The following KCNJ3 variants were observed in gnomAD, a reference collection of about 807,000 sequenced individuals.
The protein encoded by KCNJ3 is G protein-activated inward rectifier potassium channel 1.
A neutral mutation model predicts 39.2 loss-of-function variants in KCNJ3; 4 were observed. The ratio of observed to expected loss-of-function variants is 0.10; its 90% confidence interval spans 0.05 to 0.23. KCNJ3 has a LOEUF of 0.23. Among genes scored for constraint, KCNJ3 ranks in the 10% least tolerant of loss-of-function variants. KCNJ3 has a pLI of 1.00. For synonymous variants in KCNJ3, 230 were observed against 237.4 expected, an observed-to-expected ratio of 0.97 and a Z score of 0.29; for missense variants, 276 against 634.9, an observed-to-expected ratio of 0.43 and a Z score of 6.08.
chr2:154,841,219 T>C (rs1687570030), intron 2 of KCNJ3, among the ~76,000 whole-genome samples: 1 of 152,204 alleles, frequency 6.6e-6, no homozygotes, highest in South Asian at 2.1e-4. Context: ...TGGTTCTGTT[T>C]ATGTGATGGA....
At chr2:154,764,853 T>G (rs2105191436) in intron 2 of KCNJ3, among the ~76,000 whole-genome samples, 1 of 152,278 alleles carries the variant, frequency 6.6e-6, no homozygotes, top group Non-Finnish European at 1.5e-5. Context: ...ACTAGCCCTC[T>G]CTTGGATCCT....
intron 2 of KCNJ3, among the ~76,000 whole-genome samples, chr2:154,846,904 A>ATTTT (rs1558890282): frequency 6.6e-6 from 1 of 151,748 alleles, no homozygotes; most frequent in Non-Finnish European, 1.5e-5. Context: ...TTCTTTTTTT[A>ATTTT]TTTTTAGTTT....
intron 2 of KCNJ3, among the ~76,000 whole-genome samples, chr2:154,817,295 T>C (rs929366970): frequency 6.6e-6 from 1 of 152,188 alleles, no homozygotes; most frequent in Non-Finnish European, 1.5e-5. Flanking sequence ...ATTTCAATAA[T>C]TCTACATTAG....
intron 2 of KCNJ3, among the ~76,000 whole-genome samples, chr2:154,838,562 G>C (rs980194382): frequency 1.3e-5 from 2 of 152,156 alleles, no homozygotes; most frequent in African/African-American, 4.8e-5. Context: ...CTGTGTGTGT[G>C]GTTATTGTTG....
At chr2:154,844,623 G>T (rs1038583742) in intron 2 of KCNJ3, among the ~76,000 whole-genome samples, 1 of 152,162 alleles carries the variant, frequency 6.6e-6, no homozygotes, top group Non-Finnish European at 1.5e-5. Flanking sequence ...CTTCCCGGTC[G>T]CTTTGTTTAT....
At chr2:154,759,020 T>G (rs781217779) in intron 2 of KCNJ3, among the ~76,000 whole-genome samples, 21 of 152,126 alleles carry the variant, frequency 1.4e-4, no homozygotes, top group Non-Finnish European at 7.4e-5. Context: ...GAAAAACAAG[T>G]TTCATAAGCA....
intron 1 of KCNJ3, among the ~76,000 whole-genome samples, chr2:154,704,905 G>A (rs1203583575): frequency 6.6e-6 from 1 of 152,128 alleles, no homozygotes; most frequent in Non-Finnish European, 1.5e-5. Flanking sequence ...CACGTGTAAA[G>A]AGGATAAGTG....
chr2:154,710,325 C>T (rs557161873), intron 2 of KCNJ3, among the ~76,000 whole-genome samples: 1 of 151,988 alleles, frequency 6.6e-6, no homozygotes, highest in Admixed American at 6.6e-5. Flanking sequence ...ATTTTAATAT[C>T]GAAGTGGGTC....
chr2:154,799,603 A>C (rs1686776696), intron 2 of KCNJ3, among the ~76,000 whole-genome samples: 1 of 152,106 alleles, frequency 6.6e-6, no homozygotes, highest in African/African-American at 2.4e-5. Context: ...CCAAAGCCTC[A>C]ATCTATAGCC....
At chr2:154,757,933 T>C (rs898614908) in intron 2 of KCNJ3, among the ~76,000 whole-genome samples, 4 of 152,116 alleles carry the variant, frequency 2.6e-5, no homozygotes, top group Admixed American at 6.6e-5. Flanking sequence ...TACAATCAAA[T>C]TGAGTATTGT....
chr2:154,852,333 C>A (rs1046980876), intron 2 of KCNJ3, among the ~76,000 whole-genome samples: 7 of 152,070 alleles, frequency 4.6e-5, no homozygotes, highest in Admixed American at 3.9e-4. Context: ...GAGGCTGAGG[C>A]TGCAATGAAC....
At chr2:154,730,086 AGTTGCCC>A (rs1181483151) in intron 2 of KCNJ3, among the ~76,000 whole-genome samples, 4 of 151,906 alleles carry the variant, frequency 2.6e-5, no homozygotes, top group African/African-American at 9.7e-5. Flanking sequence ...AGCAGAAAGC[AGTTGCCC>A]CTGCTGCTTT....
intron 2 of KCNJ3, among the ~76,000 whole-genome samples, chr2:154,756,621 T>C (rs1685941451): frequency 6.6e-6 from 1 of 151,690 alleles, no homozygotes; most frequent in Non-Finnish European, 1.5e-5. Flanking sequence ...ACTTGTGGTG[T>C]TTGGTTTTCT....
chr2:154,850,881 G>A (rs1394791108), intron 2 of KCNJ3, among the ~76,000 whole-genome samples: 1 of 152,098 alleles, frequency 6.6e-6, no homozygotes, highest in Non-Finnish European at 1.5e-5. Context: ...AACCCTAAAA[G>A]TTGGAAATAT....
chr2:154,828,473 C>T (rs1687306657), intron 2 of KCNJ3, among the ~76,000 whole-genome samples: 1 of 152,100 alleles, frequency 6.6e-6, no homozygotes, highest in Admixed American at 6.6e-5. Flanking sequence ...CTGAATGGAG[C>T]ACAAGTGTTG....
chr2:154,806,128 G>A (rs921261527), intron 2 of KCNJ3, among the ~76,000 whole-genome samples: 4 of 152,108 alleles, frequency 2.6e-5, no homozygotes, highest in African/African-American at 7.2e-5. Flanking sequence ...CTCGAGAATT[G>A]TGAAGGTTCT....
intron 2 of KCNJ3, among the ~76,000 whole-genome samples, chr2:154,818,026 C>T (rs555453784): frequency 1.3e-5 from 2 of 152,066 alleles, no homozygotes; most frequent in South Asian, 4.2e-4. Flanking sequence ...TCTCCATGTT[C>T]TTATATGAAA....
chr2:154,738,595 T>C (rs757944041), intron 2 of KCNJ3, among the ~76,000 whole-genome samples: 2 of 151,576 alleles, frequency 1.3e-5, no homozygotes, highest in Non-Finnish European at 2.9e-5. Context: ...AAATAAAAAT[T>C]AAAAATTAAA....
intron 2 of KCNJ3, among the ~76,000 whole-genome samples, chr2:154,778,823 T>C (rs1686383418): frequency 6.6e-6 from 1 of 152,102 alleles, no homozygotes; most frequent in South Asian, 2.1e-4. Context: ...CTGAAATATT[T>C]TTTCCCTCAG....
Sources: gnomAD v4.1 joint callset for allele counts (sites outside exome capture counted in the v4.1 genomes callset) on GRCh38, gnomAD v4.1.1 for gene constraint, MANE v1.5 for transcripts, NCBI Gene and HGNC (gene_info 2026-07-23, HGNC 2026-07-21) for gene names.